Variants in SLC17A5 observed in about 807,000 individuals in gnomAD.
SLC17A5 encodes solute carrier family 17 member 5, also known as sialin.
Under a neutral mutation model 59.4 loss-of-function variants are expected in SLC17A5, and 47 were observed. That is an observed-to-expected ratio of 0.79 (90% CI 0.63 to 1.01). SLC17A5 has a LOEUF of 1.01. Ranked by LOEUF, SLC17A5 falls within the 50% of genes least tolerant of loss-of-function variation. SLC17A5 has a pLI of 0.00. For synonymous variants in SLC17A5, 202 were observed against 210.7 expected (o/e 0.96, Z 0.36); for missense variants, 522 against 595.5 (o/e 0.88, Z 1.28).
intron 9 of SLC17A5, among the ~76,000 whole-genome samples, chr6:73,604,089 C>A (rs141900305): frequency 7.0e-4 from 107 of 152,166 alleles, no homozygotes; most frequent in African/African-American, 2.0e-3. Flanking sequence ...TTGGCTCATC[C>A]CCTTTAGGGG....
At chr6:73,641,974 C>T (rs377686733) in intron 2 of SLC17A5, 50 bp from the exon 3 acceptor site, 45 of 1,465,950 alleles carry the variant, frequency 3.1e-5, no homozygotes, top group Non-Finnish European at 4.1e-5. Flanking sequence ...CTTCACAGAG[C>T]AGCTCTTTTC....
intron 9 of SLC17A5, among the ~76,000 whole-genome samples, chr6:73,601,873 G>T (rs1156261987): frequency 3.3e-5 from 5 of 151,446 alleles, no homozygotes; most frequent in African/African-American, 1.2e-4. Context: ...GGGCGCCTCT[G>T]CCCGGCCGCC....
At chr6:73,653,744 C>T (rs1000716171) in intron 1 of SLC17A5, 49 bp downstream of exon 1, 4 of 1,509,034 alleles carry the variant, frequency 2.7e-6, no homozygotes, top group Non-Finnish European at 3.6e-6. Context: ...AGACCGCCGC[C>T]CCCGGTACCG....
At position 73,616,286 on chromosome 6, in the gene SLC17A5, C is replaced by A. The variant is rs574530755; in HGVS notation, c.979-839G>T. On this transcript the variant is annotated intron_variant, in intron 7 of 10. Coordinates refer to ENST00000355773, the MANE Select transcript of SLC17A5 (RefSeq NM_012434.5). ...AGTCCTATCAGAGCCCTCTTCCTCC[C>A]CCCTTAAATAAGCATTAACCTCGTT... is the stretch of plus-strand genomic sequence containing the variant. Among the ~76,000 whole-genome samples, 160 of 152,196 alleles carry A rather than the reference C, an allele frequency of 1.1e-3. 1 individual carries two copies. The highest frequency in any genetic ancestry group is 3.7e-3 in the African/African-American group (155 of 41,528).
intron 2 of SLC17A5, 125 bp from the exon 3 acceptor site, chr6:73,642,049 C>A (rs1311852339): frequency 1.1e-5 from 9 of 816,402 alleles, no homozygotes; most frequent in Admixed American, 6.0e-5. Context: ...GAAGAACATG[C>A]AAACTTTCTA....
chr6:73,601,587 G>A (rs1408094347), intron 9 of SLC17A5, among the ~76,000 whole-genome samples: 1 of 94,272 alleles, frequency 1.1e-5, no homozygotes, highest in Non-Finnish European at 2.1e-5. Flanking sequence ...CCCCTACTGG[G>A]AAGTGAGGAG....
rs115481659 is a variant in SLC17A5 at position 73,623,632 on chromosome 6, C to T, written c.820-1670G>A. Among the ~76,000 whole-genome samples the T allele has an allele frequency of 2.1e-3, 321 of 151,854 alleles. 1 individual carries two copies. Among genetic ancestry groups the T allele is most frequent in the African/African-American group, 7.4e-3 (305 of 41,438 alleles). The stretch of plus-strand genomic sequence containing the variant: ...TACAGGTGTGAGCCACTGCCCCCAG[C>T]GTAAGTGATTTATTTTAAGTGTCTT... On this transcript the variant is annotated intron_variant, in intron 6 of 10. Transcript: ENST00000355773.
At chr6:73,602,977 GAA>G (rs992558947) in intron 9 of SLC17A5, among the ~76,000 whole-genome samples, 2 of 151,660 alleles carry the variant, frequency 1.3e-5, no homozygotes, top group East Asian at 3.9e-4. Flanking sequence ...TACGAAAAAA[GAA>G]AAAAATAATG....
rs967598427 is a variant in SLC17A5, at chr6:73,594,109, C to T, written c.*968G>A. On this transcript the variant is annotated 3_prime_UTR_variant, in exon 11 of 11. Transcript: ENST00000355773. Reference sequence around the variant, plus strand: ...TCTTGGTTCACTGCAACTTCCACCTCCCAGGTTCAAGTGATTCTCCTACCT... The same window carrying T: ...TCTTGGTTCACTGCAACTTCCACCTTCCAGGTTCAAGTGATTCTCCTACCT... The T allele has an allele frequency of 6.6e-6, 1 of 151,798 alleles. No individual in the cohort carries two copies. The highest frequency in any genetic ancestry group is 1.5e-5 in the Non-Finnish European group (1 of 68,000). 9.4% of individuals were successfully genotyped at this position (151,798 alleles called of 1,614,324 possible).
intron 7 of SLC17A5, among the ~76,000 whole-genome samples, chr6:73,619,012 C>T (rs674988): frequency 0.11 from 16,249 of 152,078 alleles, 1,033 homozygotes; most frequent in Middle Eastern, 0.17. Flanking sequence ...TGAGCCACTG[C>T]GCCCGGCCAC....
At chr6:73,633,845 A>T (rs1296904185) in intron 6 of SLC17A5, among the ~76,000 whole-genome samples, 2 of 151,690 alleles carry the variant, frequency 1.3e-5, no homozygotes, top group Non-Finnish European at 1.5e-5. Flanking sequence ...GTGCCACTAC[A>T]CTCCAGCCTG....
At chr6:73,619,925 T>G (rs1282012159) in intron 7 of SLC17A5, among the ~76,000 whole-genome samples, 1 of 139,212 alleles carries the variant, frequency 7.2e-6, no homozygotes, top group Non-Finnish European at 1.5e-5. Flanking sequence ...AGAATTTGTT[T>G]TTTTTTTTTT....
chr6:73,644,630 T>C (rs1769452303), intron 1 of SLC17A5, 27 bp from the exon 2 acceptor site: 7 of 1,584,704 alleles, frequency 4.4e-6, no homozygotes, highest in Non-Finnish European at 5.2e-6. Flanking sequence ...GGAAAATTTT[T>C]ATTTATTTTT....
chr6:73,604,067 G>C (rs949649998), intron 9 of SLC17A5, among the ~76,000 whole-genome samples: 1 of 151,988 alleles, frequency 6.6e-6, no homozygotes, highest in East Asian at 1.9e-4. Flanking sequence ...AAACCATGAA[G>C]TACAGATCTT....
At chr6:73,598,356 C>CG (rs1766911112) in intron 10 of SLC17A5, among the ~76,000 whole-genome samples, 2 of 152,138 alleles carry the variant, frequency 1.3e-5, no homozygotes, top group Non-Finnish European at 2.9e-5. Context: ...ACAGGCTGGG[C>CG]GCGGTGGCTC....
intron 9 of SLC17A5, among the ~76,000 whole-genome samples, chr6:73,604,053 A>G (rs1047220304): frequency 6.6e-6 from 1 of 152,248 alleles, no homozygotes; most frequent in Admixed American, 6.5e-5. Flanking sequence ...ACAGCACTAT[A>G]ACAAAACCAT....
At chr6:73,614,689 G>C (rs1767779743) in intron 8 of SLC17A5, among the ~76,000 whole-genome samples, 1 of 152,102 alleles carries the variant, frequency 6.6e-6, no homozygotes, top group South Asian at 2.1e-4. Flanking sequence ...CACATTTAAC[G>C]AAGTCTCCAT....
At chr6:73,616,752 G>T (rs1245760666) in intron 7 of SLC17A5, among the ~76,000 whole-genome samples, 2 of 151,976 alleles carry the variant, frequency 1.3e-5, no homozygotes, top group Non-Finnish European at 2.9e-5. Flanking sequence ...ACGATTGCAG[G>T]CGTGTGTCAC....
chr6:73,597,447 A>C (rs1766866806), intron 10 of SLC17A5, among the ~76,000 whole-genome samples: 1 of 151,924 alleles, frequency 6.6e-6, no homozygotes, highest in African/African-American at 2.4e-5. Context: ...AGCCTGGGCA[A>C]CAGAGTGAGA....
Sources: allele counts gnomAD v4.1 joint callset (sites outside exome capture counted in the v4.1 genomes callset), GRCh38; gene constraint gnomAD v4.1.1; transcripts MANE v1.5; gene names NCBI Gene and HGNC (gene_info 2026-07-23, HGNC 2026-07-21).